Variants in QRICH2 observed in about 807,000 individuals in gnomAD.
The protein encoded by QRICH2 is glutamine-rich protein 2.
QRICH2 carries 119 observed loss-of-function variants against 168.3 expected under a neutral mutation model. That is an observed-to-expected ratio of 0.71 (90% CI 0.61 to 0.82). QRICH2 has a LOEUF of 0.82. QRICH2 is among the 40% of genes least tolerant of loss of function. The pLI is 0.00. For synonymous variants in QRICH2, 894 were observed against 951.2 expected (o/e 0.94, Z 1.11); for missense variants, 2,241 against 2,491.6 (o/e 0.90, Z 2.14).
At position 76,277,217 on chromosome 17, in the gene QRICH2, C is replaced by CG; in HGVS notation, c.5210dup (p.Gln1738AlafsTer11). ...GATACAGGCCCCGGGGAAGGTGCTG[C>CG]GGGCGGCTGCGGTGGTAGGGGTAGG... On this transcript the variant is annotated frameshift_variant, in exon 16 of 19. Transcript: ENST00000680821. LOFTEE classifies it high-confidence loss of function. 4 of 1,603,174 alleles carry CG rather than the reference C, an allele frequency of 2.5e-6. No homozygotes were observed. The highest frequency in any genetic ancestry group is 3.4e-6 in the Non-Finnish European group (4 of 1,176,916).
rs191239250 is a variant in QRICH2 at position 76,280,923 on chromosome 17, C to A, written c.4294G>T (p.Ala1432Ser). 1 of 1,612,032 alleles carries A rather than the reference C, an allele frequency of 6.2e-7. No individual in the cohort carries two copies. Among genetic ancestry groups the A allele is most frequent in the African/African-American group, 1.3e-5 (1 of 75,042 alleles). ...DEELLGRVQS[A>S]ILQVQGDCEK... ...CAGTCACCCTGCACCTGCAGGATGG[C>A]ACTCTGCACACGGCCCAGCAGCTCC... is the stretch of plus-strand genomic sequence containing the variant. Residue 1432 changes from alanine (A) to serine (S), a missense_variant, in exon 9 of 19, where the codon GCC (alanine) becomes TCC (serine). By Grantham distance (99) the Ala-to-Ser change is moderately conservative. This residue lies in a region of QRICH2 where 2,047 missense variants were observed against 2,303.8 expected (regional missense o/e 0.89). Coordinates refer to ENST00000680821, the MANE Select transcript of QRICH2 (RefSeq NM_001388453.1). The surrounding 1 kb of genome is among the most constrained non-coding windows in gnomAD (Gnocchi z 7.4).
At chr17:76,289,073 C>G (rs1359301667) in intron 5 of QRICH2, among the ~76,000 whole-genome samples, 1 of 146,378 alleles carries the variant, frequency 6.8e-6, no homozygotes, top group Non-Finnish European at 1.5e-5. Context: ...CACTGTACTC[C>G]AGCCTTGGCG....
intron 3 of QRICH2, among the ~76,000 whole-genome samples, chr17:76,295,408 A>G (rs1435001401): frequency 1.3e-5 from 2 of 152,232 alleles, no homozygotes; most frequent in African/African-American, 4.8e-5. Context: ...TCATCCCAGC[A>G]TTTTGGGAGA....
intron 16 of QRICH2, 110 bp from the exon 17 acceptor site, chr17:76,276,877 G>C: frequency 1.2e-6 from 1 of 843,266 alleles, no homozygotes; most frequent in Non-Finnish European, 1.8e-6. Context: ...CCTCCTGGGG[G>C]GCTCTGGGAG....
intron 15 of QRICH2, 64 bp downstream of exon 15, chr17:76,277,925 C>A: frequency 6.4e-7 from 1 of 1,558,790 alleles, no homozygotes; most frequent in Non-Finnish European, 8.7e-7. Flanking sequence ...CAGCCGTGCA[C>A]GAGCAGAAGC....
chr17:76,296,791 A>T lies in QRICH2; in HGVS notation c.706-2770T>A, dbSNP rs538779602. Reference sequence around the variant, plus strand: ...TGGCTCTGTCTCAAAAAAAAAAAAAAAAAAAAATAACCAGAAAGAAGGGAG... The same window carrying T: ...TGGCTCTGTCTCAAAAAAAAAAAAATAAAAAAATAACCAGAAAGAAGGGAG... On this transcript the variant is annotated intron_variant, in intron 3 of 18. Coordinates refer to ENST00000680821, the MANE Select transcript of QRICH2 (RefSeq NM_001388453.1). 1.4e-4 allele frequency among the ~76,000 whole-genome samples: 21 copies of T among 151,774 alleles called. 1 individual carries two copies. Among genetic ancestry groups the T allele is most frequent in the African/African-American group, 2.2e-4 (9 of 41,434 alleles).
rs746052494 is a variant in QRICH2, at chr17:76,280,675, G to A, written c.4440C>T (p.His1480=). The stretch of plus-strand genomic sequence containing the variant: ...CCACCACATCGATCTCCATCTCCAG[G>A]TGCTCCCTGTTGGCCTTTTCCTTTT... ...KLEKEKANRE[H]LEMEIDVKAD... The change falls in exon 10 of 19, where the codon CAC becomes CAT. Residue 1480 remains histidine (H), a synonymous_variant. Transcript: ENST00000680821. The surrounding 1 kb of genome is among the most constrained non-coding windows in gnomAD (Gnocchi z 7.4). 7.4e-6 allele frequency: 12 copies of A among 1,614,146 alleles called. No individual in the cohort carries two copies. Among genetic ancestry groups the A allele is most frequent in the Middle Eastern group, 1.6e-4 (1 of 6,062 alleles).
chr17:76,280,402 T>C lies in QRICH2; in HGVS notation c.4511A>G (p.Asp1504Gly), dbSNP rs2070765274. The C allele has an allele frequency of 6.2e-7, 1 of 1,614,164 alleles. No individual in the cohort carries two copies. The highest frequency in any genetic ancestry group is 8.5e-7 in the Non-Finnish European group (1 of 1,180,018). ...LATKVSRVQF[D>G]ATTEQLNHMM... ...GTGGTTCAGCTGCTCCGTGGTGGCA[T>C]CAAACTGGACACGGCTCACTTTGGT... The change falls in exon 11 of 19, where the codon GAT becomes GGT. Residue 1504 changes from aspartate to glycine, a missense_variant. This residue lies in a region of QRICH2 where 2,047 missense variants were observed against 2,303.8 expected (regional missense o/e 0.89). Transcript: ENST00000680821. This position sits in a 1 kb window ranked among gnomAD's most constrained non-coding sequence, Gnocchi z 7.4.
rs371056650 is a variant in QRICH2 at position 76,280,963 on chromosome 17, G to T, written c.4264-10C>A. The T allele has an allele frequency of 2.5e-6, 4 of 1,606,598 alleles. No homozygotes were observed. The highest frequency in any genetic ancestry group is 2.5e-6 in the Non-Finnish European group (3 of 1,179,766). On this transcript the variant is annotated splice_polypyrimidine_tract_variant and intron_variant, in intron 8 of 18. Coordinates refer to ENST00000680821, the MANE Select transcript of QRICH2 (RefSeq NM_001388453.1). This position sits in a 1 kb window ranked among gnomAD's most constrained non-coding sequence, Gnocchi z 7.4. ...CCAGCAGCTCCTCGTCCTGCGGCAG[G>T]AGGGATGGGAAGGCTCTCGGAGGCT... is the stretch of plus-strand genomic sequence containing the variant.
chr17:76,292,940 T>G lies in QRICH2; in HGVS notation c.1787A>C (p.Asp596Ala). 1 of 1,611,946 alleles carries G rather than the reference T, an allele frequency of 6.2e-7. No homozygotes were observed. The highest frequency in any genetic ancestry group is 1.7e-5 in the Admixed American group (1 of 59,750). ...TCCAGGCCGGACCAAACCACGCTGATCTGCACCAGGTTGGACCAAGCCAGG... is the reference window on the plus strand; with the variant it reads ...TCCAGGCCGGACCAAACCACGCTGAGCTGCACCAGGTTGGACCAAGCCAGG... ...YQPGLVQPGA[D>A]QRGLVRPGMD... The change falls in exon 4 of 19, where the codon GAT becomes GCT. Residue 596 changes from aspartate to alanine, a missense_variant. Physicochemically the swap from Asp to Ala is moderately radical, Grantham distance 126. Transcript: ENST00000680821.
At chr17:76,285,125 C>CTGTTGTTGTTGTTGTTGT (rs112068809) in intron 7 of QRICH2, among the ~76,000 whole-genome samples, 7,479 of 147,796 alleles carry the variant, frequency 0.051, 613 homozygotes, top group African/African-American at 0.17. Context: ...CAGCTATTTT[C>CTGTTGTTGTTGTTGTTGT]TGTTGTTGTT....
chr17:76,289,556 T>C (rs941146264), intron 5 of QRICH2, among the ~76,000 whole-genome samples: 1 of 152,136 alleles, frequency 6.6e-6, no homozygotes, highest in Non-Finnish European at 1.5e-5. Context: ...TCTGATAAGA[T>C]TGCAAAGATC....
rs1032854547 is a variant in QRICH2 at position 76,274,217 on chromosome 17, A to G, written c.5526T>C (p.Arg1842=). 27 of 1,598,426 alleles carry G rather than the reference A, an allele frequency of 1.7e-5. No homozygotes were observed. Among genetic ancestry groups the G allele is most frequent in the Non-Finnish European group, 2.0e-5 (23 of 1,174,818 alleles). Residue 1842 remains arginine, a synonymous_variant, in exon 19 of 19, where the codon CGT becomes CGC. Coordinates refer to ENST00000680821, the MANE Select transcript of QRICH2 (RefSeq NM_001388453.1). The part of the protein sequence containing the change: ...QQKDRPSSEG[R]LSQPNTAHPP... Reference sequence around the variant, plus strand: ...GGTGGGCTGTGTTCGGCTGGGAGAGACGGCCCTCGGAGGAAGGTCTATCTT... The same window carrying G: ...GGTGGGCTGTGTTCGGCTGGGAGAGGCGGCCCTCGGAGGAAGGTCTATCTT...
intron 7 of QRICH2, 105 bp downstream of exon 7, chr17:76,287,087 C>CACACACACACA: frequency 3.3e-6 from 1 of 301,932 alleles, no homozygotes; most frequent in Non-Finnish European, 5.7e-6. Flanking sequence ...CACACACACA[C>CACACACACACA]ATGATGGGAG....
At chr17:76,308,534 G>A (rs1268496043), upstream of QRICH2, 10 of 978,244 alleles carry the variant, frequency 1.0e-5, no homozygotes, top group African/African-American at 1.1e-4. Flanking sequence ...TGTGTCATCA[G>A]CTGCGTCCAT....
chr17:76,308,690 C>A (rs1037381746), upstream of QRICH2, among the ~76,000 whole-genome samples: 1 of 152,116 alleles, frequency 6.6e-6, no homozygotes, highest in African/African-American at 2.4e-5. Context: ...CAGGCAGTTC[C>A]AATTAGCCAC....
chr17:76,297,883 T>G (rs973574320), intron 3 of QRICH2, among the ~76,000 whole-genome samples: 1 of 140,808 alleles, frequency 7.1e-6, no homozygotes, highest in Non-Finnish European at 1.6e-5. Flanking sequence ...TTTTTTTTTT[T>G]TTTTTTTTTT....
intron 1 of QRICH2, 21 bp from the exon 2 acceptor site, chr17:76,304,962 A>G: frequency 1.3e-6 from 2 of 1,596,524 alleles, no homozygotes; most frequent in Non-Finnish European, 8.6e-7. Context: ...AGTTCAGGAA[A>G]GGAGAATGAC....
upstream of QRICH2, chr17:76,310,354 G>C (rs575193697): frequency 6.6e-6 from 1 of 151,930 alleles, no homozygotes; most frequent in South Asian, 2.1e-4. Flanking sequence ...ATTTTTAGTA[G>C]AGACGGGGTT....
Sources: gnomAD v4.1 joint callset for allele counts (sites outside exome capture counted in the v4.1 genomes callset) on GRCh38, gnomAD v4.1.1 for gene constraint, gnomAD v4.1.1 regional missense constraint, Gnocchi (gnomAD v3.1) non-coding constraint, MANE v1.5 for transcripts, NCBI Gene and HGNC (gene_info 2026-07-23, HGNC 2026-07-21) for gene names.